Variants in SIGLECL1 observed in about 807,000 individuals in gnomAD.
SIGLECL1 encodes the protein SIGLEC family like 1, also known as SIGLEC family-like protein 1.
SIGLECL1 carries 16 observed loss-of-function variants against 19.1 expected under a neutral mutation model. That is an observed-to-expected ratio of 0.84 (90% CI 0.57 to 1.27). SIGLECL1 has a LOEUF of 1.27. Ranked by LOEUF, SIGLECL1 falls within the 50% of genes most tolerant of loss-of-function variation. SIGLECL1 has a pLI of 0.00. For synonymous variants in SIGLECL1, 89 were observed against 90.4 expected (o/e 0.98, Z 0.09); for missense variants, 210 against 239.4 (o/e 0.88, Z 0.81).
chr19:51,259,409 T>C (rs1983045295), intron 1 of SIGLECL1, among the ~76,000 whole-genome samples: 1 of 152,194 alleles, frequency 6.6e-6, no homozygotes, highest in African/African-American at 2.4e-5. Flanking sequence ...ATATGCTAAA[T>C]AGGAACCAAT....
chr19:51,263,083 GA>G (rs1983353689), intron 1 of SIGLECL1, among the ~76,000 whole-genome samples: 1 of 152,052 alleles, frequency 6.6e-6, no homozygotes. Flanking sequence ...ATTTTTTGTA[GA>G]AACGGGGTTT....
At chr19:51,258,344 G>T (rs559783151) in intron 1 of SIGLECL1, among the ~76,000 whole-genome samples, 6 of 152,196 alleles carry the variant, frequency 3.9e-5, no homozygotes, top group Non-Finnish European at 8.8e-5. Context: ...AAAGAGGAAG[G>T]ATGTGAAGTC....
chr19:51,257,952 G>A (rs1982930944), intron 1 of SIGLECL1: 1 of 152,220 alleles, frequency 6.6e-6, no homozygotes, highest in Admixed American at 6.5e-5. Flanking sequence ...ATTATCACCA[G>A]GAAAGCTAAG....
intron 1 of SIGLECL1, among the ~76,000 whole-genome samples, chr19:51,255,448 C>T (rs1982743207): frequency 6.6e-6 from 1 of 152,028 alleles, no homozygotes; most frequent in Non-Finnish European, 1.5e-5. Flanking sequence ...TGCAAGATTG[C>T]AGCAAAGTAG....
At chr19:51,266,651 A>G (rs528168965) in intron 4 of SIGLECL1, among the ~76,000 whole-genome samples, 2 of 152,286 alleles carry the variant, frequency 1.3e-5, no homozygotes, top group Admixed American at 6.5e-5. Flanking sequence ...TGTCAGGTGC[A>G]TTGAGAGTAC....
chr19:51,248,153 A>C (rs1034103531), upstream of SIGLECL1, among the ~76,000 whole-genome samples: 6 of 143,720 alleles, frequency 4.2e-5, no homozygotes, highest in Admixed American at 3.5e-4. Context: ...GGACATTTTC[A>C]AGATGGCCGC....
intron 4 of SIGLECL1, among the ~76,000 whole-genome samples, chr19:51,266,104 AAGG>A (rs2123452780): frequency 6.6e-6 from 1 of 152,266 alleles, no homozygotes; most frequent in African/African-American, 2.4e-5. Context: ...ACATTTTATA[AAGG>A]AGAAGACCAA....
At chr19:51,261,226 T>C (rs1983190027) in intron 1 of SIGLECL1, among the ~76,000 whole-genome samples, 1 of 152,240 alleles carries the variant, frequency 6.6e-6, no homozygotes, top group Non-Finnish European at 1.5e-5. Flanking sequence ...AATGTAGGTA[T>C]GTCTACATTA....
chr19:51,246,979 C>A (rs928650681), upstream of SIGLECL1, among the ~76,000 whole-genome samples: 2 of 152,216 alleles, frequency 1.3e-5, no homozygotes, highest in Non-Finnish European at 2.9e-5. Flanking sequence ...TGCACTCTTA[C>A]ATGTAGACAA....
In SIGLECL1 at chr19:51,251,299, G is replaced by C. The variant is rs1236083886; in HGVS notation, c.-437G>C. On this transcript the variant is annotated 5_prime_UTR_variant, in exon 1 of 6. Coordinates refer to ENST00000601727, the MANE Select transcript of SIGLECL1 (RefSeq NM_001385465.1). ...TGAAACTGCACTAACTGGGCTTCCA[G>C]TCAGCGTCAGTCAGCGGATCCTTGG... 2.0e-5 allele frequency: 3 copies of C among 152,550 alleles called. No individual in the cohort carries two copies. Among genetic ancestry groups the C allele is most frequent in the Non-Finnish European group, 4.4e-5 (3 of 68,134 alleles). The allele number at this position is 152,550 out of a possible 1,614,324, so 9.4% of individuals were successfully genotyped here. A position where few individuals can be genotyped will look rare whatever the true frequency, so the allele number is the denominator to read the frequency against.
At chr19:51,248,781 A>C (rs557930027), upstream of SIGLECL1, among the ~76,000 whole-genome samples, 1 of 152,238 alleles carries the variant, frequency 6.6e-6, no homozygotes, top group South Asian at 2.1e-4. Flanking sequence ...GGTAGCCTTA[A>C]AGTTTGTAAT....
At chr19:51,248,395 G>T (rs989504), upstream of SIGLECL1, among the ~76,000 whole-genome samples, 15,514 of 151,924 alleles carry the variant, frequency 0.1, 1,437 homozygotes, top group East Asian at 0.32. Context: ...CTTTTTTTCC[G>T]TTCCAAGACC....
At chr19:51,253,721 A>G (rs1225675503) in intron 1 of SIGLECL1, among the ~76,000 whole-genome samples, 1 of 152,262 alleles carries the variant, frequency 6.6e-6, no homozygotes. Context: ...GAACTTCACC[A>G]TGCTTATACA....
intron 1 of SIGLECL1, among the ~76,000 whole-genome samples, chr19:51,259,526 C>A (rs1175888208): frequency 6.6e-6 from 1 of 152,180 alleles, no homozygotes; most frequent in Non-Finnish European, 1.5e-5. Flanking sequence ...CAGACTGGAG[C>A]TAAGGCCAGT....
Position 51,263,963 on chromosome 19 carries a change from C to T in SIGLECL1, c.-110C>T. ...CTTCTGCTCTCCCCATCCCCACATC[C>T]TCTTTCAGTTACGCATCACCTCACT... On this transcript the variant is annotated 5_prime_UTR_variant, in exon 2 of 6. Coordinates refer to ENST00000601727, the MANE Select transcript of SIGLECL1 (RefSeq NM_001385465.1). 7.3e-7 allele frequency: 1 copy of T among 1,379,168 alleles called. No individual in the cohort carries two copies. The highest frequency in any genetic ancestry group is 1.0e-6 in the Non-Finnish European group (1 of 990,330). The allele number at this position is 1,379,168 out of a possible 1,614,324, so 85.4% of individuals were successfully genotyped here.
intron 1 of SIGLECL1, among the ~76,000 whole-genome samples, chr19:51,257,284 T>TA (rs1982874231): frequency 1.3e-5 from 2 of 151,872 alleles, no homozygotes; most frequent in African/African-American, 4.8e-5. Context: ...CACATGCTTG[T>TA]AGTCCCAGCT....
chr19:51,268,452 C>T, intron 5 of SIGLECL1, 119 bp from the exon 6 acceptor site: 2 of 1,044,190 alleles, frequency 1.9e-6, no homozygotes, highest in Non-Finnish European at 1.5e-6. Flanking sequence ...AGCCAGTGCT[C>T]ACTCCATGTT....
chr19:51,264,118 T>G, intron 2 of SIGLECL1, 24 bp downstream of exon 2: 1 of 1,613,684 alleles, frequency 6.2e-7, no homozygotes, highest in Non-Finnish European at 8.5e-7. Flanking sequence ...GAAGCAGCAC[T>G]GGAGGTGTGT....
intron 4 of SIGLECL1, 138 bp from the exon 5 acceptor site, chr19:51,267,235 T>C (rs994968870): frequency 6.4e-5 from 63 of 976,858 alleles, no homozygotes; most frequent in Non-Finnish European, 7.1e-5. Flanking sequence ...CCAGAGAGGA[T>C]GTGTGGCTTG....
Sources: allele counts gnomAD v4.1 joint callset (sites outside exome capture counted in the v4.1 genomes callset), GRCh38; gene constraint gnomAD v4.1.1; transcripts MANE v1.5; gene names NCBI Gene and HGNC (gene_info 2026-07-23, HGNC 2026-07-21).